Variants in PCDH9 observed in about 807,000 individuals in gnomAD.
The protein encoded by PCDH9 is protocadherin-9.
In PCDH9, 24 loss-of-function variants were observed where a neutral mutation model predicts 70.6. The ratio of observed to expected loss-of-function variants is 0.34; its 90% CI spans 0.25 to 0.48. PCDH9 has a LOEUF of 0.48. Ranked by LOEUF, PCDH9 falls within the 20% of genes least tolerant of loss-of-function variation. The pLI is 0.99. For missense variants in PCDH9, 1,281 were observed against 1,503.6 expected (o/e 0.85, Z 2.45); for synonymous variants, 562 against 558.5 (o/e 1.01, Z -0.09).
At chr13:66,833,496 A>G (rs1469574536) in intron 3 of PCDH9, among the ~76,000 whole-genome samples, 1 of 152,030 alleles carries the variant, frequency 6.6e-6, no homozygotes, top group Non-Finnish European at 1.5e-5. Context: ...ATAACATTCT[A>G]TGTTTTCTAT....
intron 2 of PCDH9, among the ~76,000 whole-genome samples, chr13:67,138,204 A>G (rs1274633687): frequency 6.6e-6 from 1 of 152,148 alleles, no homozygotes; most frequent in Non-Finnish European, 1.5e-5. Flanking sequence ...ATGTCCTCCT[A>G]TACAAAATGG....
chr13:66,794,705 T>C (rs1490969097), intron 3 of PCDH9, among the ~76,000 whole-genome samples: 3 of 152,164 alleles, frequency 2.0e-5, no homozygotes, highest in South Asian at 4.1e-4. Flanking sequence ...CTGTCAATAC[T>C]GTATTGCAGC....
chr13:67,151,899 C>T (rs550389939), intron 2 of PCDH9, among the ~76,000 whole-genome samples: 1 of 152,040 alleles, frequency 6.6e-6, no homozygotes, highest in South Asian at 2.1e-4. Context: ...CACTCAGGGT[C>T]CTTGCATCAT....
chr13:66,934,645 T>G (rs1398973203), intron 2 of PCDH9, among the ~76,000 whole-genome samples: 1 of 150,096 alleles, frequency 6.7e-6, no homozygotes. Context: ...TGAGGAAATT[T>G]TAGTGAATAT....
At chr13:66,795,084 T>C (rs2080221147) in intron 3 of PCDH9, among the ~76,000 whole-genome samples, 1 of 152,000 alleles carries the variant, frequency 6.6e-6, no homozygotes, top group Admixed American at 6.6e-5. Context: ...AGAATTTATT[T>C]AACATAATTT....
chr13:66,675,385 G>A (rs187774761), intron 3 of PCDH9, among the ~76,000 whole-genome samples: 1 of 152,068 alleles, frequency 6.6e-6, no homozygotes, highest in African/African-American at 2.4e-5. Context: ...ATGCATGCCT[G>A]GCCCTCAAAG....
At chr13:67,126,857 A>G (rs2086991355) in intron 2 of PCDH9, among the ~76,000 whole-genome samples, 1 of 152,210 alleles carries the variant, frequency 6.6e-6, no homozygotes, top group Admixed American at 6.5e-5. Context: ...TCAAAATAAA[A>G]TAAAATAAAA....
At chr13:67,047,471 C>T (rs187354847) in intron 2 of PCDH9, among the ~76,000 whole-genome samples, 211 of 152,236 alleles carry the variant, frequency 1.4e-3, no homozygotes, top group African/African-American at 4.6e-3. Context: ...TATATAGTTA[C>T]ATACAAAGGA....
At chr13:66,492,228 T>C (rs1959045525) in intron 4 of PCDH9, among the ~76,000 whole-genome samples, 1 of 152,042 alleles carries the variant, frequency 6.6e-6, no homozygotes, top group Non-Finnish European at 1.5e-5. Flanking sequence ...TTTAAAAGAT[T>C]AGCTGTTGCT....
At chr13:66,748,142 C>T (rs532134565) in intron 3 of PCDH9, among the ~76,000 whole-genome samples, 1 of 152,064 alleles carries the variant, frequency 6.6e-6, no homozygotes, top group Non-Finnish European at 1.5e-5. Context: ...AGGTAGGAAA[C>T]CTTAGCTTAG....
At chr13:66,816,963 T>G (rs2080617366) in intron 3 of PCDH9, among the ~76,000 whole-genome samples, 1 of 150,820 alleles carries the variant, frequency 6.6e-6, no homozygotes, top group Admixed American at 6.6e-5. Flanking sequence ...TTCTGCATCC[T>G]TGAATTCAAC....
At chr13:66,852,033 CT>C (rs1177837665) in intron 3 of PCDH9, among the ~76,000 whole-genome samples, 1 of 151,900 alleles carries the variant, frequency 6.6e-6, no homozygotes, top group Admixed American at 6.6e-5. Flanking sequence ...CTTATAGGGA[CT>C]TTAATTCTAT....
chr13:66,776,072 T>A (rs2079887241), intron 3 of PCDH9, among the ~76,000 whole-genome samples: 1 of 152,184 alleles, frequency 6.6e-6, no homozygotes, highest in Non-Finnish European at 1.5e-5. Flanking sequence ...TTCTTTAAAA[T>A]GTCATTACCA....
chr13:66,714,194 A>T (rs573944597), intron 3 of PCDH9, among the ~76,000 whole-genome samples: 1 of 152,120 alleles, frequency 6.6e-6, no homozygotes, highest in African/African-American at 2.4e-5. Flanking sequence ...GGCTGGGTGC[A>T]GTGGTTCATG....
At chr13:67,033,158 TTC>T (rs1245344940) in intron 2 of PCDH9, among the ~76,000 whole-genome samples, 1 of 152,154 alleles carries the variant, frequency 6.6e-6, no homozygotes, top group Non-Finnish European at 1.5e-5. Context: ...ATTAAGATAT[TTC>T]TCTCTCTTTT....
At chr13:66,498,139 T>TTTA (rs2138551789) in intron 4 of PCDH9, among the ~76,000 whole-genome samples, 1 of 148,748 alleles carries the variant, frequency 6.7e-6, no homozygotes, top group South Asian at 2.1e-4. Flanking sequence ...ACTAATTTTA[T>TTTA]TTATTATTAT....
At position 66,871,065 on chromosome 13, in the gene PCDH9, A is replaced by G. The variant is rs1489091352; in HGVS notation, c.3138+32439T>C. ...ATGGAATACTATGCAGCCATAAAAA[A>G]TGATGAGTTCATGTCCTTTGTAGGG... On this transcript the variant is annotated intron_variant, in intron 3 of 4. Coordinates refer to ENST00000377865, the MANE Select transcript of PCDH9 (RefSeq NM_203487.3). Among the ~76,000 whole-genome samples, 3 of 152,244 alleles carry G rather than the reference A, an allele frequency of 2.0e-5. No individual in the cohort carries two copies. In the East Asian group the frequency reaches 5.8e-4, roughly 29 times the overall value.
intron 4 of PCDH9, among the ~76,000 whole-genome samples, chr13:66,379,156 G>A (rs188133566): frequency 3.3e-5 from 5 of 152,328 alleles, no homozygotes; most frequent in Admixed American, 2.6e-4. Flanking sequence ...GATGCACAGA[G>A]AAACTGCTGC....
chr13:66,975,800 A>G (rs927517057), intron 2 of PCDH9, among the ~76,000 whole-genome samples: 3 of 152,018 alleles, frequency 2.0e-5, no homozygotes, highest in African/African-American at 7.2e-5. Context: ...GGAAATAGAA[A>G]TAATTGCCAT....
Sources: allele counts gnomAD v4.1 joint callset (sites outside exome capture counted in the v4.1 genomes callset), GRCh38; gene constraint gnomAD v4.1.1; transcripts MANE v1.5; gene names NCBI Gene and HGNC (gene_info 2026-07-23, HGNC 2026-07-21).